The following TRPS1 variants were observed in gnomAD, a reference collection of about 807,000 sequenced individuals.
TRPS1 encodes the protein transcriptional repressor GATA binding 1, also known as zinc finger transcription factor Trps1.
TRPS1 carries 6 observed loss-of-function variants against 101.2 expected under a neutral mutation model. The observed-to-expected ratio is 0.06, with a 90% CI of 0.03 to 0.12. The LOEUF is 0.12. Ranked by LOEUF, TRPS1 falls within the 10% of genes least tolerant of loss-of-function variation. The pLI, the probability that TRPS1 is intolerant of heterozygous loss-of-function variation, is 1.00. For synonymous variants in TRPS1, 578 were observed against 589.8 expected, an observed-to-expected ratio of 0.98 and a Z score of 0.29; for missense variants, 1,363 against 1,567.0, an observed-to-expected ratio of 0.87 and a Z score of 2.20.
intron 1 of TRPS1, among the ~76,000 whole-genome samples, chr8:115,654,417 C>G (rs529886083): frequency 6.6e-6 from 1 of 151,814 alleles, no homozygotes; most frequent in South Asian, 2.1e-4. Flanking sequence ...TGTAAAACAC[C>G]ACTTATGGTT....
intron 5 of TRPS1, among the ~76,000 whole-genome samples, chr8:115,485,778 A>G (rs1814864616): frequency 6.6e-6 from 1 of 152,234 alleles, no homozygotes; most frequent in Admixed American, 6.5e-5. Flanking sequence ...GAACAAAGAG[A>G]TGATATAATT....
At chr8:115,639,696 G>A (rs1364725659) in intron 1 of TRPS1, among the ~76,000 whole-genome samples, 2 of 152,102 alleles carry the variant, frequency 1.3e-5, no homozygotes, top group Admixed American at 1.3e-4. Context: ...AGGCGTGGTG[G>A]CACATGCCTG....
chr8:115,458,490 C>T (rs1814084962), intron 5 of TRPS1, among the ~76,000 whole-genome samples: 1 of 152,142 alleles, frequency 6.6e-6, no homozygotes, highest in East Asian at 1.9e-4. Context: ...TTCTGTGGGT[C>T]TCATTTGTAA....
intron 5 of TRPS1, among the ~76,000 whole-genome samples, chr8:115,506,566 C>T (rs997851245): frequency 6.6e-6 from 1 of 152,076 alleles, no homozygotes; most frequent in Admixed American, 6.6e-5. Flanking sequence ...GTTCCAATAA[C>T]TCTCATTTAA....
intron 1 of TRPS1, among the ~76,000 whole-genome samples, chr8:115,658,247 A>G (rs1266153848): frequency 6.6e-6 from 1 of 152,056 alleles, no homozygotes; most frequent in Non-Finnish European, 1.5e-5. Flanking sequence ...AGGACCTTCC[A>G]CTCCTGAAGG....
At chr8:115,579,146 G>A (rs1817386951) in intron 5 of TRPS1, among the ~76,000 whole-genome samples, 1 of 152,118 alleles carries the variant, frequency 6.6e-6, no homozygotes, top group Non-Finnish European at 1.5e-5. Context: ...AATCCATCCA[G>A]TAATAAATTA....
At chr8:115,549,884 G>A (rs994651926) in intron 5 of TRPS1, among the ~76,000 whole-genome samples, 1 of 152,110 alleles carries the variant, frequency 6.6e-6, no homozygotes, top group Admixed American at 6.6e-5. Flanking sequence ...TGTTGCAAGA[G>A]TCTCTCCTTG....
At chr8:115,513,458 G>A (rs1815632643) in intron 5 of TRPS1, among the ~76,000 whole-genome samples, 1 of 151,682 alleles carries the variant, frequency 6.6e-6, no homozygotes, top group African/African-American at 2.4e-5. Context: ...AAGTAGACAA[G>A]AAGTGCCTTT....
chr8:115,629,093 T>C (rs1352650226), intron 1 of TRPS1, among the ~76,000 whole-genome samples: 1 of 151,642 alleles, frequency 6.6e-6, no homozygotes, highest in Non-Finnish European at 1.5e-5. Context: ...TCTAAGAAAG[T>C]AATGCTCAAG....
chr8:115,655,446 G>C (rs963216432), intron 1 of TRPS1, among the ~76,000 whole-genome samples: 12 of 152,120 alleles, frequency 7.9e-5, no homozygotes, highest in Non-Finnish European at 1.2e-4. Context: ...AGCTCTTATG[G>C]TGAAATCACA....
chr8:115,632,519 C>T lies in TRPS1; in HGVS notation c.-121-8761G>A, dbSNP rs556192673. ...GCACACACACACACACCAATTCTCA[C>T]AGTATTACTTCCTGAATTTCTCAAA... On this transcript the variant is annotated intron_variant, in intron 1 of 6. Transcript: ENST00000395715. Among the ~76,000 whole-genome samples, 18 of 152,120 alleles carry T rather than the reference C, an allele frequency of 1.2e-4. 1 individual carries two copies. The South Asian group carries it at 3.7e-3, about 32-fold the overall frequency.
intron 5 of TRPS1, among the ~76,000 whole-genome samples, chr8:115,545,826 T>C (rs1282262247): frequency 6.6e-6 from 1 of 152,166 alleles, no homozygotes; most frequent in African/African-American, 2.4e-5. Context: ...CATTGTTTTA[T>C]TTCAAGAACA....
chr8:115,567,162 A>G (rs1461462787), intron 5 of TRPS1, among the ~76,000 whole-genome samples: 1 of 152,144 alleles, frequency 6.6e-6, no homozygotes, highest in Non-Finnish European at 1.5e-5. Context: ...TTCCAGATAC[A>G]GAGAGACAGA....
intron 5 of TRPS1, chr8:115,515,058 A>G: frequency 1.8e-6 from 1 of 570,332 alleles, no homozygotes; most frequent in South Asian, 2.3e-5. Flanking sequence ...TATACTGTGT[A>G]AGAAAAATTT....
intron 3 of TRPS1, among the ~76,000 whole-genome samples, chr8:115,607,647 G>T (rs1021446794): frequency 6.6e-6 from 1 of 151,084 alleles, no homozygotes; most frequent in Admixed American, 6.6e-5. Flanking sequence ...GGTTAATATC[G>T]GTAAATAATA....
intron 4 of TRPS1, among the ~76,000 whole-genome samples, chr8:115,596,109 A>G (rs1817778549): frequency 6.6e-6 from 1 of 151,916 alleles, no homozygotes. Context: ...TTTCAGTCTG[A>G]TTTTACCCAT....
intron 1 of TRPS1, chr8:115,667,750 T>G: frequency 7.5e-7 from 1 of 1,335,418 alleles, no homozygotes; most frequent in Non-Finnish European, 1.0e-6. Context: ...GGAAAAAAGT[T>G]TGAAGCCTGC....
At position 115,413,429 on chromosome 8, in the gene TRPS1, T is replaced by A. The variant is rs1812834989; in HGVS notation, c.*594A>T. 6.5e-6 allele frequency: 1 copy of A among 152,866 alleles called. No homozygotes were observed. Among genetic ancestry groups the A allele is most frequent in the Admixed American group, 6.5e-5 (1 of 15,272 alleles). 9.5% of individuals were successfully genotyped at this position (152,866 alleles called of 1,614,324 possible). A position where few individuals can be genotyped will look rare whatever the true frequency, so the allele number is the denominator to read the frequency against. On this transcript the variant is annotated 3_prime_UTR_variant, in exon 7 of 7. Transcript: ENST00000395715. ...TGCCACCATCTGTCATGTTGCTTGC[T>A]GCACTCTAACCAAGCCTAACCACAG...
chr8:115,528,750 A>C (rs1049883287), intron 5 of TRPS1, among the ~76,000 whole-genome samples: 1 of 152,080 alleles, frequency 6.6e-6, no homozygotes, highest in African/African-American at 2.4e-5. Context: ...ATGACGTATA[A>C]AATCTCATCT....
Sources: gnomAD v4.1 joint callset for allele counts (sites outside exome capture counted in the v4.1 genomes callset) on GRCh38, gnomAD v4.1.1 for gene constraint, MANE v1.5 for transcripts, NCBI Gene and HGNC (gene_info 2026-07-23, HGNC 2026-07-21) for gene names.